Variants in COLEC12 observed in about 807,000 individuals in gnomAD.
COLEC12 encodes the protein collectin subfamily member 12.
Under a neutral mutation model 71.1 loss-of-function variants are expected in COLEC12, and 33 were observed. That is an observed-to-expected ratio of 0.46 (90% confidence interval 0.35 to 0.62). The LOEUF (loss-of-function observed/expected upper bound fraction) is 0.62. COLEC12 is among the 20% of genes least tolerant of loss of function. COLEC12 has a pLI of 0.00. For missense variants in COLEC12, 765 were observed against 916.1 expected, an observed-to-expected ratio of 0.84 and a Z score of 2.13; for synonymous variants, 350 against 353.0, an observed-to-expected ratio of 0.99 and a Z score of 0.10.
chr18:323,846 C>T (rs981060661), intron 8 of COLEC12, among the ~76,000 whole-genome samples: 2 of 151,922 alleles, frequency 1.3e-5, no homozygotes, highest in African/African-American at 2.4e-5. Context: ...TAATATTTTC[C>T]CCTTGCGTTT....
chr18:374,000 C>T (rs1432165376), intron 2 of COLEC12, among the ~76,000 whole-genome samples: 1 of 152,202 alleles, frequency 6.6e-6, no homozygotes, highest in Admixed American at 6.5e-5. Flanking sequence ...GGATAAGGGG[C>T]TTCCAAACAC....
intron 2 of COLEC12, among the ~76,000 whole-genome samples, chr18:381,793 TAGATA>T (rs1915236912): frequency 6.6e-6 from 1 of 152,180 alleles, no homozygotes; most frequent in Non-Finnish European, 1.5e-5. Flanking sequence ...TTCTGTGCAG[TAGATA>T]AAACAATAAA....
intron 2 of COLEC12, among the ~76,000 whole-genome samples, chr18:447,703 G>A (rs1403624084): frequency 2.6e-5 from 4 of 152,090 alleles, no homozygotes; most frequent in Admixed American, 2.6e-4. Context: ...AACATTACAG[G>A]GAGACACAGT....
intron 2 of COLEC12, among the ~76,000 whole-genome samples, chr18:377,882 G>A (rs1915147227): frequency 6.6e-6 from 1 of 151,926 alleles, no homozygotes; most frequent in Admixed American, 6.6e-5. Context: ...GAGTGGGGCT[G>A]GGGGAAATAG....
intron 1 of COLEC12, among the ~76,000 whole-genome samples, chr18:498,654 G>A (rs1917759503): frequency 6.6e-6 from 1 of 152,018 alleles, no homozygotes. Flanking sequence ...GAGCCACCGC[G>A]CCCCGCTGGA....
intron 2 of COLEC12, among the ~76,000 whole-genome samples, chr18:429,918 A>G (rs1916269592): frequency 6.6e-6 from 1 of 152,136 alleles, no homozygotes; most frequent in African/African-American, 2.4e-5. Flanking sequence ...TCACAGGTCT[A>G]TTGTTAATTT....
chr18:494,103 T>A (rs1393346614), intron 1 of COLEC12, among the ~76,000 whole-genome samples: 2 of 152,236 alleles, frequency 1.3e-5, no homozygotes, highest in Admixed American at 6.5e-5. Flanking sequence ...CAAACTTCAC[T>A]TTGGGAATTA....
intron 8 of COLEC12, among the ~76,000 whole-genome samples, chr18:322,557 C>A (rs188875093): frequency 6.6e-6 from 1 of 152,142 alleles, no homozygotes; most frequent in African/African-American, 2.4e-5. Flanking sequence ...GATAACAGTT[C>A]TTGATTACGT....
chr18:425,618 A>C (rs1355607449), intron 2 of COLEC12, among the ~76,000 whole-genome samples: 1 of 152,210 alleles, frequency 6.6e-6, no homozygotes, highest in Non-Finnish European at 1.5e-5. Flanking sequence ...TACAGTCCTT[A>C]CAGGTTTAAT....
intron 2 of COLEC12, among the ~76,000 whole-genome samples, chr18:451,113 T>G (rs1916752009): frequency 6.6e-6 from 1 of 152,140 alleles, no homozygotes; most frequent in Admixed American, 6.5e-5. Flanking sequence ...CATACACACC[T>G]CCATACACCT....
intron 2 of COLEC12, among the ~76,000 whole-genome samples, chr18:387,193 G>A (rs778179903): frequency 3.3e-5 from 5 of 152,142 alleles, no homozygotes; most frequent in South Asian, 4.1e-4. Context: ...GTCCCTGAGC[G>A]CTGTGGCCTT....
intron 2 of COLEC12, among the ~76,000 whole-genome samples, chr18:413,400 G>A (rs910166016): frequency 2.0e-5 from 3 of 152,228 alleles, no homozygotes; most frequent in African/African-American, 7.2e-5. Flanking sequence ...CTGCTGGTGA[G>A]AATGTAAAAT....
chr18:447,018 G>A (rs1684018412), intron 2 of COLEC12, among the ~76,000 whole-genome samples: 1 of 152,140 alleles, frequency 6.6e-6, no homozygotes, highest in African/African-American at 2.4e-5. Context: ...CGTCCAAGAG[G>A]ATGGCTGTTT....
At chr18:467,329 A>T (rs1917107691) in intron 2 of COLEC12, among the ~76,000 whole-genome samples, 1 of 152,194 alleles carries the variant, frequency 6.6e-6, no homozygotes, top group Non-Finnish European at 1.5e-5. Context: ...AAAAAGCCCC[A>T]AGACACAGAG....
chr18:410,907 A>C (rs902603559), intron 2 of COLEC12, among the ~76,000 whole-genome samples: 1 of 152,060 alleles, frequency 6.6e-6, no homozygotes, highest in African/African-American at 2.4e-5. Flanking sequence ...CCCCACCTCC[A>C]CCCATGCCAG....
chr18:442,002 T>TACACACACAGACACACACACACAC (rs1555620304), intron 2 of COLEC12, among the ~76,000 whole-genome samples: 3 of 120,744 alleles, frequency 2.5e-5, no homozygotes, highest in African/African-American at 1.2e-4. Flanking sequence ...TCTCTCTCTC[T>TACACACACAGACACACACACACAC]ACACACACAC....
chr18:401,052 T>C (rs1915674961), intron 2 of COLEC12, among the ~76,000 whole-genome samples: 1 of 152,164 alleles, frequency 6.6e-6, no homozygotes, highest in Non-Finnish European at 1.5e-5. Context: ...AGGAACTTTT[T>C]TCTTCTTTGT....
chr18:334,873 C>T lies in COLEC12; in HGVS notation c.1685G>A (p.Arg562Gln), dbSNP rs200696806. The T allele has an allele frequency of 6.4e-5, 97 of 1,522,752 alleles. 1 individual carries two copies. The East Asian group carries it at 1.8e-3, about 29-fold the overall frequency. 94.3% of individuals were successfully genotyped at this position (1,522,752 alleles called of 1,614,324 possible). A position where few individuals can be genotyped will look rare whatever the true frequency, so the allele number is the denominator to read the frequency against. Residue 562 changes from arginine to glutamine, a missense_variant, in exon 6 of 10, where the codon CGG becomes CAG. Coordinates refer to ENST00000400256, the MANE Select transcript of COLEC12 (RefSeq NM_130386.3). ...TACCCCAGGCAAGCCTGGCAGTCCC[C>T]GAGGTCCAGGCACCCCAGGCTCCCC... is the stretch of plus-strand genomic sequence containing the variant. ...TVGEPGVPGP[R>Q]GLPGLPGVPG...
At chr18:449,350 C>G (rs1916713489) in intron 2 of COLEC12, among the ~76,000 whole-genome samples, 1 of 152,176 alleles carries the variant, frequency 6.6e-6, no homozygotes, top group Non-Finnish European at 1.5e-5. Context: ...ATCTGCTCCA[C>G]TTACTGTTGT....
Sources: gnomAD v4.1 joint callset for allele counts (sites outside exome capture counted in the v4.1 genomes callset) on GRCh38, gnomAD v4.1.1 for gene constraint, MANE v1.5 for transcripts, NCBI Gene and HGNC (gene_info 2026-07-23, HGNC 2026-07-21) for gene names.